Variants in BCAS3 observed in about 807,000 individuals in gnomAD.
The protein encoded by BCAS3 is BCAS3 microtubule associated cell migration factor.
Under a neutral mutation model 116.1 loss-of-function variants are expected in BCAS3, and 53 were observed. The observed-to-expected ratio is 0.46, with a 90% confidence interval of 0.37 to 0.57. The LOEUF is 0.57. Ranked by LOEUF, BCAS3 falls within the 20% of genes least tolerant of loss-of-function variation. BCAS3 has a pLI of 0.00. For missense variants in BCAS3, 917 were observed against 1,165.4 expected, an observed-to-expected ratio of 0.79 and a Z score of 3.10; for synonymous variants, 391 against 408.2, an observed-to-expected ratio of 0.96 and a Z score of 0.51.
chr17:61,327,385 C>T lies in BCAS3; in HGVS notation c.2426-40942C>T, dbSNP rs2055822417. On this transcript the variant is annotated intron_variant, in intron 22 of 23. Coordinates refer to ENST00000407086, the MANE Select transcript of BCAS3 (RefSeq NM_017679.5). The surrounding 1 kb of genome is among the most constrained non-coding windows in gnomAD (Gnocchi z 5.9). The stretch of plus-strand genomic sequence containing the variant: ...CAATTGGACTACAGAGTCAAGGAGA[C>T]ATTTACAAGTTAATATAATAAATGT... Among the ~76,000 whole-genome samples the T allele has an allele frequency of 6.6e-6, 1 of 152,016 alleles. No individual in the cohort carries two copies. Among genetic ancestry groups the T allele is most frequent in the Non-Finnish European group, 1.5e-5 (1 of 68,026 alleles).
chr17:60,735,004 C>A (rs2040826651), intron 5 of BCAS3, among the ~76,000 whole-genome samples: 1 of 152,096 alleles, frequency 6.6e-6, no homozygotes, highest in Non-Finnish European at 1.5e-5. Context: ...TATGTTTCAT[C>A]AGTTTTATAG....
chr17:60,698,271 G>C (rs2035908906), intron 4 of BCAS3, among the ~76,000 whole-genome samples: 1 of 150,950 alleles, frequency 6.6e-6, no homozygotes, highest in Non-Finnish European at 1.5e-5. Context: ...GGAAAGCCAA[G>C]GAAAAAGGAT....
At chr17:61,025,686 C>CT (rs2066192007) in intron 16 of BCAS3, among the ~76,000 whole-genome samples, 1 of 152,012 alleles carries the variant, frequency 6.6e-6, no homozygotes, top group African/African-American at 2.4e-5. Context: ...GCTATCCTTG[C>CT]TTGGCATTGG....
chr17:60,943,893 C>A (rs1463576113), intron 13 of BCAS3, among the ~76,000 whole-genome samples: 1 of 151,794 alleles, frequency 6.6e-6, no homozygotes, highest in Non-Finnish European at 1.5e-5. Flanking sequence ...TTAAATAACC[C>A]ACGAGCAAAA....
intron 5 of BCAS3, among the ~76,000 whole-genome samples, chr17:60,710,760 T>G (rs548867373): frequency 6.6e-6 from 1 of 151,418 alleles, no homozygotes; most frequent in South Asian, 2.1e-4. Flanking sequence ...AAATGTTTAT[T>G]TTTTGATAAG....
chr17:61,139,661 G>A lies in BCAS3; in HGVS notation c.2425+55097G>A, dbSNP rs542659715. Among the ~76,000 whole-genome samples the A allele has an allele frequency of 2.6e-5, 4 of 152,270 alleles. No individual in the cohort carries two copies. The highest frequency in any genetic ancestry group is 4.8e-5 in the African/African-American group (2 of 41,556). On this transcript the variant is annotated intron_variant, in intron 22 of 23. Transcript: ENST00000407086. The surrounding 1 kb of genome is among the most constrained non-coding windows in gnomAD (Gnocchi z 4.7). ...TCATACATGCAGTATAGTTCAGTGCGATTAAAAGTCATCATGCTACATGAT... is the reference window on the plus strand; with the variant it reads ...TCATACATGCAGTATAGTTCAGTGCAATTAAAAGTCATCATGCTACATGAT...
At chr17:61,371,596 TTAAG>T (rs2059045403) in intron 23 of BCAS3, among the ~76,000 whole-genome samples, 1 of 152,314 alleles carries the variant, frequency 6.6e-6, no homozygotes, top group Non-Finnish European at 1.5e-5. Context: ...ACAAAAAATG[TTAAG>T]TATGTGAGGT....
chr17:61,049,895 G>T (rs1391708437), intron 19 of BCAS3, among the ~76,000 whole-genome samples: 1 of 151,672 alleles, frequency 6.6e-6, no homozygotes, highest in Non-Finnish European at 1.5e-5. Flanking sequence ...ACCACGCCTG[G>T]CTAATTTGTT....
rs1602083219 is a variant in BCAS3, at chr17:61,235,145, C to A, written c.2426-133182C>A. The stretch of plus-strand genomic sequence containing the variant: ...AAGATGATCCGCCCACTTCGGTCTT[C>A]CAAAGTGCTGGGATTATAGGCGTGA... On this transcript the variant is annotated intron_variant, in intron 22 of 23. Transcript: ENST00000407086. This position sits in a 1 kb window ranked among gnomAD's most constrained non-coding sequence, Gnocchi z 5.0. Among the ~76,000 whole-genome samples, 3 of 152,312 alleles carry A rather than the reference C, an allele frequency of 2.0e-5. No individual in the cohort carries two copies. The highest frequency in any genetic ancestry group is 7.2e-5 in the African/African-American group (3 of 41,572).
At chr17:61,321,178 C>A (rs1169183501) in intron 22 of BCAS3, among the ~76,000 whole-genome samples, 1 of 152,008 alleles carries the variant, frequency 6.6e-6, no homozygotes, top group East Asian at 1.9e-4. Context: ...CTCCAGCTTC[C>A]CTTACCTCTT....
intron 13 of BCAS3, among the ~76,000 whole-genome samples, chr17:60,945,270 C>G (rs1241197259): frequency 6.6e-6 from 1 of 152,052 alleles, no homozygotes; most frequent in African/African-American, 2.4e-5. Context: ...AAGAAATATG[C>G]TGTGTTAATA....
Position 61,196,426 on chromosome 17 carries a change from G to A in BCAS3, c.2425+111862G>A, listed in dbSNP as rs1024513993. ...AAAAATGAAAACCATGCCCCAGCCG[G>A]GACAAGAACAGGGTCAACAGCTGGC... On this transcript the variant is annotated intron_variant, in intron 22 of 23. Coordinates refer to ENST00000407086, the MANE Select transcript of BCAS3 (RefSeq NM_017679.5). This position sits in a 1 kb window ranked among gnomAD's most constrained non-coding sequence, Gnocchi z 4.7. 2.0e-5 allele frequency among the ~76,000 whole-genome samples: 3 copies of A among 152,102 alleles called. No individual in the cohort carries two copies. Among genetic ancestry groups the A allele is most frequent in the Non-Finnish European group, 4.4e-5 (3 of 68,008 alleles).
chr17:60,799,198 A>G (rs1046498245), intron 6 of BCAS3, among the ~76,000 whole-genome samples: 4 of 152,202 alleles, frequency 2.6e-5, no homozygotes, highest in African/African-American at 7.2e-5. Flanking sequence ...TTTTAAAGCA[A>G]TTCTAGCAAG....
At chr17:61,155,715 T>C (rs2077795907) in intron 22 of BCAS3, among the ~76,000 whole-genome samples, 1 of 152,184 alleles carries the variant, frequency 6.6e-6, no homozygotes, top group African/African-American at 2.4e-5. Context: ...GCAGATCACA[T>C]ATGGCATTAT....
At chr17:60,831,725 C>T (rs1301972711) in intron 7 of BCAS3, among the ~76,000 whole-genome samples, 2 of 150,360 alleles carry the variant, frequency 1.3e-5, no homozygotes, top group Non-Finnish European at 3.0e-5. Flanking sequence ...ATTTTGAGTG[C>T]CTCTTTGGCG....
chr17:61,276,706 G>T lies in BCAS3; in HGVS notation c.2426-91621G>T, dbSNP rs1439768261. Among the ~76,000 whole-genome samples the T allele has an allele frequency of 6.6e-6, 1 of 152,068 alleles. No individual in the cohort carries two copies. Among genetic ancestry groups the T allele is most frequent in the Non-Finnish European group, 1.5e-5 (1 of 68,016 alleles). ...ACTTATTTGCAGAAATTGACAAGCT[G>T]ATCCTAAAATTTACATATAAATTCA... is the stretch of plus-strand genomic sequence containing the variant. On this transcript the variant is annotated intron_variant, in intron 22 of 23. Coordinates refer to ENST00000407086, the MANE Select transcript of BCAS3 (RefSeq NM_017679.5). This position sits in a 1 kb window ranked among gnomAD's most constrained non-coding sequence, Gnocchi z 4.2.
chr17:60,798,272 A>G lies in BCAS3; in HGVS notation c.404-9732A>G, dbSNP rs188474864. 5.0e-3 allele frequency among the ~76,000 whole-genome samples: 765 copies of G among 152,328 alleles called. 2 individuals carry two copies. Among genetic ancestry groups the G allele is most frequent in the Non-Finnish European group, 8.5e-3 (577 of 68,036 alleles). On this transcript the variant is annotated intron_variant, in intron 6 of 23. Coordinates refer to ENST00000407086, the MANE Select transcript of BCAS3 (RefSeq NM_017679.5). ...GCATTTCACAAATGTATAGTGAAAC[A>G]ATAATCCACCATTTTAGCATCATAC...
chr17:61,314,434 C>A (rs571131475), intron 22 of BCAS3, among the ~76,000 whole-genome samples: 1 of 152,222 alleles, frequency 6.6e-6, no homozygotes, highest in Non-Finnish European at 1.5e-5. Context: ...ACCATCTGAC[C>A]GCATTCCCTC....
rs1415063788 is a variant in BCAS3 at position 61,333,939 on chromosome 17, G to A, written c.2426-34388G>A. ...CCTGCCAAGTTCTTGAACCTTTCTG[G>A]TCATTTGCTTCCCTGATTGAGAGAT... On this transcript the variant is annotated intron_variant, in intron 22 of 23. Transcript: ENST00000407086. This position sits in a 1 kb window ranked among gnomAD's most constrained non-coding sequence, Gnocchi z 4.8. 6.6e-6 allele frequency among the ~76,000 whole-genome samples: 1 copy of A among 152,060 alleles called. No homozygotes were observed. The highest frequency in any genetic ancestry group is 1.5e-5 in the Non-Finnish European group (1 of 67,984).
Sources: gnomAD v4.1 joint callset for allele counts (sites outside exome capture counted in the v4.1 genomes callset) on GRCh38, gnomAD v4.1.1 for gene constraint, Gnocchi (gnomAD v3.1) non-coding constraint, MANE v1.5 for transcripts, NCBI Gene and HGNC (gene_info 2026-07-23, HGNC 2026-07-21) for gene names.